Variants in TNC observed in about 807,000 individuals in gnomAD.
The protein encoded by TNC is tenascin.
Under a neutral mutation model 202.4 loss-of-function variants are expected in TNC, and 109 were observed. That is an observed-to-expected ratio of 0.54 (90% CI 0.46 to 0.63). TNC has a LOEUF of 0.63. TNC is among the 30% of genes least tolerant of loss of function. The pLI is 0.00. For missense variants in TNC, 2,756 were observed against 2,833.3 expected, an observed-to-expected ratio of 0.97 and a Z score of 0.62; for synonymous variants, 1,007 against 1,089.7, an observed-to-expected ratio of 0.92 and a Z score of 1.50.
intron 1 of TNC, among the ~76,000 whole-genome samples, chr9:115,116,233 AG>A (rs1428844452): frequency 6.6e-6 from 1 of 152,202 alleles, no homozygotes; most frequent in African/African-American, 2.4e-5. Flanking sequence ...CAAAGCATAG[AG>A]GAAAAAAATA....
At chr9:115,023,065 G>A (rs1829209930) in intron 27 of TNC, among the ~76,000 whole-genome samples, 1 of 151,054 alleles carries the variant, frequency 6.6e-6, no homozygotes, top group Admixed American at 6.6e-5. Flanking sequence ...GAGATGCTGT[G>A]TCTTGCCTGA....
Position 115,026,688 on chromosome 9 carries a change from G to A in TNC, c.6177C>T (p.Asp2059=), listed in dbSNP as rs780884731. The A allele has an allele frequency of 6.2e-7, 1 of 1,613,758 alleles. No homozygotes were observed. Among genetic ancestry groups the A allele is most frequent in the East Asian group, 2.2e-5 (1 of 44,814 alleles). Residue 2059 remains aspartate, a synonymous_variant, in exon 26 of 28, where the codon GAC becomes GAT. Coordinates refer to ENST00000350763, the MANE Select transcript of TNC (RefSeq NM_002160.4). The stretch of plus-strand genomic sequence containing the variant: ...CCTGGGCTGTGATTTTGTTCAGGTT[G>A]TCCAGCCCTGTGGATGACAGGCAAG... The part of the protein sequence containing the change: ...DRREEFWLGL[D]NLNKITAQGQ...
In TNC at chr9:115,057,340, G is replaced by A; in HGVS notation, c.4392C>T (p.Ile1464=). The A allele has an allele frequency of 6.2e-7, 1 of 1,614,170 alleles. No homozygotes were observed. Among genetic ancestry groups the A allele is most frequent in the Non-Finnish European group, 8.5e-7 (1 of 1,180,028 alleles). ...TAATTTCAATGGTAAAGGTCTCGAA[G>A]ATCCCATCGGTAGCCATCCAGGAGA... is the stretch of plus-strand genomic sequence containing the variant. ...FNLSWMATDG[I]FETFTIEIID... Residue 1464 remains isoleucine, a synonymous_variant, in exon 15 of 28, where the codon ATC becomes ATT. Coordinates refer to ENST00000350763, the MANE Select transcript of TNC (RefSeq NM_002160.4).
intron 26 of TNC, among the ~76,000 whole-genome samples, chr9:115,025,963 A>G (rs1237198859): frequency 1.3e-5 from 2 of 152,212 alleles, no homozygotes. Context: ...CTAGATGACC[A>G]CATGGCAGGG....
intron 19 of TNC, among the ~76,000 whole-genome samples, chr9:115,038,791 G>A (rs1432709689): frequency 1.3e-5 from 2 of 151,978 alleles, no homozygotes; most frequent in Non-Finnish European, 2.9e-5. Context: ...GACTGCCCGA[G>A]CCTTTTCTTT....
intron 2 of TNC, among the ~76,000 whole-genome samples, chr9:115,090,207 T>C (rs956812411): frequency 2.6e-5 from 4 of 152,152 alleles, no homozygotes; most frequent in African/African-American, 7.2e-5. Flanking sequence ...GAGAGTGCTC[T>C]CTGGGGTAGA....
intron 1 of TNC, among the ~76,000 whole-genome samples, chr9:115,096,286 T>C (rs1040918057): frequency 6.6e-6 from 1 of 152,150 alleles, no homozygotes; most frequent in Non-Finnish European, 1.5e-5. Flanking sequence ...TTCGAAGTGC[T>C]CTGTCCCATA....
At chr9:115,098,490 A>AT (rs1176020656) in intron 1 of TNC, among the ~76,000 whole-genome samples, 1 of 152,122 alleles carries the variant, frequency 6.6e-6, no homozygotes, top group Non-Finnish European at 1.5e-5. Context: ...CAACAATCTG[A>AT]TTTTTTCCCT....
At chr9:115,038,753 C>G (rs1016290577) in intron 19 of TNC, among the ~76,000 whole-genome samples, 1 of 152,224 alleles carries the variant, frequency 6.6e-6, no homozygotes, top group Non-Finnish European at 1.5e-5. Context: ...AGAGAAAGAA[C>G]TTACACAGAG....
intron 17 of TNC, 27 bp from the exon 18 acceptor site, chr9:115,042,368 C>T: frequency 1.2e-6 from 2 of 1,611,726 alleles, no homozygotes. Context: ...ACAAGAGAAG[C>T]CCAGAAACAG....
chr9:115,096,267 G>A (rs1488674695), intron 1 of TNC, among the ~76,000 whole-genome samples: 3 of 152,194 alleles, frequency 2.0e-5, no homozygotes, highest in African/African-American at 7.2e-5. Context: ...CGAATTCATT[G>A]GTCTTGAATT....
chr9:115,097,940 G>T (rs765406774), intron 1 of TNC, among the ~76,000 whole-genome samples: 1 of 152,186 alleles, frequency 6.6e-6, no homozygotes, highest in South Asian at 2.1e-4. Flanking sequence ...ACCTCTGTAA[G>T]GCTAGGTGCC....
Position 115,059,913 on chromosome 9 carries a change from C to T in TNC, c.4123G>A (p.Glu1375Lys). 1 of 1,614,130 alleles carries T rather than the reference C, an allele frequency of 6.2e-7. No individual in the cohort carries two copies. The highest frequency in any genetic ancestry group is 8.5e-7 in the Non-Finnish European group (1 of 1,180,020). ...TCCTGCACCTGAATGACAAAGTGCT[C>T]ATAGGCATTGTCAGCTGCGGTCCAG... ...LNWTAADNAY[E>K]HFVIQVQEVN... The change falls in exon 14 of 28, where the codon GAG becomes AAG. Residue 1375 changes from glutamate to lysine, a missense_variant. This residue lies in a region of TNC where 2,559 missense variants were observed against 2,546.0 expected (regional missense o/e 1.01). Coordinates refer to ENST00000350763, the MANE Select transcript of TNC (RefSeq NM_002160.4).
At chr9:115,114,419 T>C (rs1214494496) in intron 1 of TNC, among the ~76,000 whole-genome samples, 3 of 152,218 alleles carry the variant, frequency 2.0e-5, no homozygotes, top group African/African-American at 7.2e-5. Context: ...TTGGCTCACC[T>C]GTGTGCCTAC....
At chr9:115,070,343 G>A (rs566860604) in intron 10 of TNC, among the ~76,000 whole-genome samples, 1 of 152,232 alleles carries the variant, frequency 6.6e-6, no homozygotes, top group South Asian at 2.1e-4. Flanking sequence ...CAGGGAGTGG[G>A]AGCAGCACAC....
At position 115,089,593 on chromosome 9, in the gene TNC, C is replaced by T. The variant is rs146362679; in HGVS notation, c.457+969G>A. On this transcript the variant is annotated intron_variant, in intron 2 of 27. Coordinates refer to ENST00000350763, the MANE Select transcript of TNC (RefSeq NM_002160.4). The stretch of plus-strand genomic sequence containing the variant: ...TCAGCTCACTGCAACCTCTGCCCCT[C>T]GGTTTCAAGTGATTCTCCTGCCTCA... Among the ~76,000 whole-genome samples the T allele has an allele frequency of 5.1e-3, 778 of 152,170 alleles. 13 individuals carry two copies. Among genetic ancestry groups the T allele is most frequent in the African/African-American group, 0.018 (728 of 41,500 alleles).
chr9:115,048,253 G>A lies in TNC; in HGVS notation c.4852+7C>T. ...GAGGAACAAATGGCTCACTTGATTTGAAATACCTGTAACAATCTCAGCCCT... is the reference window on the plus strand; with the variant it reads ...GAGGAACAAATGGCTCACTTGATTTAAAATACCTGTAACAATCTCAGCCCT... On this transcript the variant is annotated splice_region_variant and intron_variant, in intron 16 of 27. Coordinates refer to ENST00000350763, the MANE Select transcript of TNC (RefSeq NM_002160.4). The A allele has an allele frequency of 6.2e-7, 1 of 1,610,878 alleles. No homozygotes were observed. Among genetic ancestry groups the A allele is most frequent in the Non-Finnish European group, 8.5e-7 (1 of 1,177,920 alleles).
chr9:115,047,994 C>T (rs1831336631), intron 16 of TNC, among the ~76,000 whole-genome samples: 1 of 152,124 alleles, frequency 6.6e-6, no homozygotes, highest in African/African-American at 2.4e-5. Context: ...GGTAAGCACA[C>T]AAGAGCTATG....
intron 5 of TNC, among the ~76,000 whole-genome samples, chr9:115,082,403 C>T (rs989860600): frequency 6.6e-6 from 1 of 152,186 alleles, no homozygotes; most frequent in Non-Finnish European, 1.5e-5. Flanking sequence ...TGTTTCTTCT[C>T]TTCTTTGCCT....
Sources: allele counts gnomAD v4.1 joint callset (sites outside exome capture counted in the v4.1 genomes callset), GRCh38; gene constraint gnomAD v4.1.1; regional missense constraint gnomAD v4.1.1; transcripts MANE v1.5; gene names NCBI Gene and HGNC (gene_info 2026-07-23, HGNC 2026-07-21).